Variants in ENPP3 observed in about 807,000 individuals in gnomAD.
ENPP3 encodes ectonucleotide pyrophosphatase/phosphodiesterase 3, also known as ectonucleotide pyrophosphatase/phosphodiesterase family member 3.
In ENPP3, 104 loss-of-function variants were observed where a neutral mutation model predicts 117.8. The ratio of observed to expected loss-of-function variants is 0.88; its 90% CI spans 0.75 to 1.04. The LOEUF is 1.04. Among genes scored for constraint, ENPP3 ranks in the 50% least tolerant of loss-of-function variants. The pLI is 0.00. For synonymous variants in ENPP3, 380 were observed against 349.9 expected (o/e 1.09, Z -0.96); for missense variants, 1,026 against 1,051.9 (o/e 0.98, Z 0.34).
chr6:131,683,146 C>T lies in ENPP3; in HGVS notation c.1104C>T (p.Ile368=). Residue 368 remains isoleucine (I), a synonymous_variant, in exon 12 of 25, where the codon ATC becomes ATT. Coordinates refer to ENST00000357639, the MANE Select transcript of ENPP3 (RefSeq NM_005021.5). The part of the protein sequence containing the change: ...QRNLHNCVNI[I]LLADHGMDQT... Reference sequence around the variant, plus strand: ...ATTTGCACAACTGTGTCAATATCATCCTTCTGGCTGACCATGGTATGCTTT... The same window carrying T: ...ATTTGCACAACTGTGTCAATATCATTCTTCTGGCTGACCATGGTATGCTTT... The T allele has an allele frequency of 6.3e-7, 1 of 1,594,178 alleles. No homozygotes were observed. Among genetic ancestry groups the T allele is most frequent in the Non-Finnish European group, 8.6e-7 (1 of 1,163,098 alleles).
At chr6:131,706,823 T>C (rs1779648506) in intron 15 of ENPP3, among the ~76,000 whole-genome samples, 1 of 152,144 alleles carries the variant, frequency 6.6e-6, no homozygotes, top group African/African-American at 2.4e-5. Context: ...AAATATACTA[T>C]AGAACTCTAT....
At chr6:131,678,080 G>T (rs1205278299) in intron 11 of ENPP3, 140 bp downstream of exon 11, 2 of 523,230 alleles carry the variant, frequency 3.8e-6, no homozygotes, top group Non-Finnish European at 6.8e-6. Flanking sequence ...ATAGTTAAAG[G>T]TATAAAAGGG....
chr6:131,695,820 G>A (rs1334804765), intron 15 of ENPP3, among the ~76,000 whole-genome samples: 3 of 152,108 alleles, frequency 2.0e-5, no homozygotes, highest in African/African-American at 7.2e-5. Context: ...GGAGGCTGAG[G>A]CAAGATAATT....
chr6:131,747,100 TTC>T lies in ENPP3; in HGVS notation c.*148_*149del. ...AAGCCATAATTTTTATTATTCCTTT[TTC>T]TCTTTTTTCAATTCTATGAATATGT... On this transcript the variant is annotated 3_prime_UTR_variant, in exon 25 of 25. Transcript: ENST00000357639. 2.1e-6 allele frequency: 1 copy of T among 478,540 alleles called. No individual in the cohort carries two copies. The highest frequency in any genetic ancestry group is 3.6e-6 in the Non-Finnish European group (1 of 276,632). 29.6% of individuals were successfully genotyped at this position (478,540 alleles called of 1,614,324 possible). A position where few individuals can be genotyped will look rare whatever the true frequency, so the allele number is the denominator to read the frequency against.
chr6:131,655,114 A>G (rs1778358306), intron 5 of ENPP3, among the ~76,000 whole-genome samples: 1 of 152,204 alleles, frequency 6.6e-6, no homozygotes, highest in African/African-American at 2.4e-5. Context: ...GAAATCGTTA[A>G]TATTTTTCTA....
chr6:131,692,920 A>AT (rs1645868434), intron 14 of ENPP3, among the ~76,000 whole-genome samples: 1 of 146,094 alleles, frequency 6.8e-6, no homozygotes, highest in African/African-American at 2.5e-5. Context: ...TATATATTAT[A>AT]CACTATATAT....
At chr6:131,680,951 G>A (rs1315725145) in intron 11 of ENPP3, among the ~76,000 whole-genome samples, 1 of 152,086 alleles carries the variant, frequency 6.6e-6, no homozygotes, top group Non-Finnish European at 1.5e-5. Context: ...TTGAGAGGCA[G>A]ACAGGTACAC....
At chr6:131,713,770 T>C (rs1402926956) in intron 15 of ENPP3, among the ~76,000 whole-genome samples, 3 of 152,198 alleles carry the variant, frequency 2.0e-5, no homozygotes, top group Non-Finnish European at 2.9e-5. Flanking sequence ...AAGTTGATGA[T>C]GCTTTTTTTA....
At chr6:131,639,246 A>AAT (rs143487852) in intron 1 of ENPP3, among the ~76,000 whole-genome samples, 4,414 of 126,186 alleles carry the variant, frequency 0.035, 176 homozygotes, top group East Asian at 0.13. Context: ...CTCTTATGCT[A>AAT]ATATATATAT....
chr6:131,724,158 T>C, intron 19 of ENPP3, 67 bp downstream of exon 19: 1 of 1,064,876 alleles, frequency 9.4e-7, no homozygotes, highest in East Asian at 2.7e-5. Flanking sequence ...GTGGCCCTTT[T>C]AGGACTCTCC....
At chr6:131,652,072 T>C (rs542023605) in intron 3 of ENPP3, among the ~76,000 whole-genome samples, 2 of 152,378 alleles carry the variant, frequency 1.3e-5, no homozygotes, top group African/African-American at 4.8e-5. Context: ...GCTCTGTCAC[T>C]GCTGTCACTT....
At chr6:131,689,754 A>C (rs1012726242) in intron 14 of ENPP3, among the ~76,000 whole-genome samples, 2 of 152,226 alleles carry the variant, frequency 1.3e-5, no homozygotes, top group Non-Finnish European at 2.9e-5. Context: ...GATTGATCTG[A>C]GCAAAGTATT....
At chr6:131,734,023 A>T (rs953744150) in intron 21 of ENPP3, among the ~76,000 whole-genome samples, 1 of 152,038 alleles carries the variant, frequency 6.6e-6, no homozygotes, top group Non-Finnish European at 1.5e-5. Flanking sequence ...ACATCTAAAA[A>T]CCCATTTCTT....
At chr6:131,651,307 A>T (rs950049111) in intron 3 of ENPP3, among the ~76,000 whole-genome samples, 1 of 152,180 alleles carries the variant, frequency 6.6e-6, no homozygotes, top group African/African-American at 2.4e-5. Flanking sequence ...AGAGGACACA[A>T]TTCAACCTAT....
intron 14 of ENPP3, among the ~76,000 whole-genome samples, chr6:131,686,963 A>G (rs1779166801): frequency 6.6e-6 from 1 of 152,198 alleles, no homozygotes; most frequent in South Asian, 2.1e-4. Flanking sequence ...TGAATAATGC[A>G]GCAATACACA....
chr6:131,661,221 T>C (rs1345423746), intron 6 of ENPP3, among the ~76,000 whole-genome samples: 1 of 152,176 alleles, frequency 6.6e-6, no homozygotes. Context: ...GATCCTGATT[T>C]CAACCCTTTT....
At chr6:131,727,298 G>C (rs1254115072) in intron 20 of ENPP3, among the ~76,000 whole-genome samples, 1 of 152,150 alleles carries the variant, frequency 6.6e-6, no homozygotes, top group African/African-American at 2.4e-5. Context: ...GCTTATGCCT[G>C]TAATCCCAGC....
chr6:131,652,547 AT>A lies in ENPP3; in HGVS notation c.284del (p.Ile95AsnfsTer14). The A allele has an allele frequency of 6.2e-7, 1 of 1,614,054 alleles. No individual in the cohort carries two copies. Among genetic ancestry groups the A allele is most frequent in the Non-Finnish European group, 8.5e-7 (1 of 1,179,900 alleles). On this transcript the variant is annotated frameshift_variant, in exon 4 of 25. Coordinates refer to ENST00000357639, the MANE Select transcript of ENPP3 (RefSeq NM_005021.5). LOFTEE classifies it high-confidence loss of function. ...FEDTCVESTR[I>X]WMCNKFRCGE... Reference sequence around the variant, plus strand: ...TGAATTGTATCGTTTTACAGCTCGAATATGGATGTGCAATAAATTTCGTTGT... The same window carrying A: ...TGAATTGTATCGTTTTACAGCTCGAAATGGATGTGCAATAAATTTCGTTGT...
chr6:131,709,767 A>T, intron 15 of ENPP3: 1 of 1,613,860 alleles, frequency 6.2e-7, no homozygotes, highest in Admixed American at 1.7e-5. Context: ...CTTCCACTCT[A>T]GAAAGCTTCT....
Sources: gnomAD v4.1 joint callset for allele counts (sites outside exome capture counted in the v4.1 genomes callset) on GRCh38, gnomAD v4.1.1 for gene constraint, MANE v1.5 for transcripts, NCBI Gene and HGNC (gene_info 2026-07-23, HGNC 2026-07-21) for gene names.